Variants in CEPT1 observed in about 807,000 individuals in gnomAD.
CEPT1 encodes the protein choline/ethanolaminephosphotransferase 1.
Under a neutral mutation model 42.6 loss-of-function variants are expected in CEPT1, and 7 were observed. That is an observed-to-expected ratio of 0.16 (90% CI 0.09 to 0.31). The LOEUF is 0.31. Among genes scored for constraint, CEPT1 ranks in the 10% least tolerant of loss-of-function variants. The pLI, the probability that CEPT1 is intolerant of heterozygous loss-of-function variation, is 1.00. For missense variants in CEPT1, 306 were observed against 502.1 expected (o/e 0.61, Z 3.73); for synonymous variants, 171 against 171.9 (o/e 0.99, Z 0.04).
chr1:111,161,351 G>A, intron 4 of CEPT1, 55 bp downstream of exon 4: 1 of 1,483,286 alleles, frequency 6.7e-7, no homozygotes, highest in Non-Finnish European at 9.1e-7. Flanking sequence ...GGAGAATGTT[G>A]CCTTATAAGT....
At chr1:111,151,190 T>G (rs1259838242) in intron 2 of CEPT1, among the ~76,000 whole-genome samples, 2 of 150,694 alleles carry the variant, frequency 1.3e-5, no homozygotes, top group South Asian at 4.2e-4. Context: ...AGTGGCGCAG[T>G]CTCGGTTCAC....
At chr1:111,168,726 G>A (rs1188093669) in intron 4 of CEPT1, among the ~76,000 whole-genome samples, 1 of 152,186 alleles carries the variant, frequency 6.6e-6, no homozygotes, top group African/African-American at 2.4e-5. Flanking sequence ...CTGACCTCGT[G>A]ATCTGCCCAC....
intron 2 of CEPT1, among the ~76,000 whole-genome samples, chr1:111,159,162 G>A (rs566083976): frequency 1.4e-4 from 21 of 149,782 alleles, no homozygotes; most frequent in African/African-American, 4.5e-4. Flanking sequence ...TGATCCGCCC[G>A]CCTCGGCCTC....
At chr1:111,183,886 G>A (rs948559311) in intron 8 of CEPT1, among the ~76,000 whole-genome samples, 15 of 152,120 alleles carry the variant, frequency 9.9e-5, no homozygotes, top group African/African-American at 3.6e-4. Flanking sequence ...GCCTGTTTTG[G>A]TAAATACAGT....
intron 2 of CEPT1, among the ~76,000 whole-genome samples, chr1:111,149,001 T>A (rs1655122057): frequency 1.3e-5 from 2 of 152,198 alleles, no homozygotes; most frequent in African/African-American, 2.4e-5. Context: ...TAATTTTTTT[T>A]AAGTAATCTT....
intron 4 of CEPT1, among the ~76,000 whole-genome samples, chr1:111,166,705 T>A (rs1656162257): frequency 1.3e-5 from 2 of 152,178 alleles, no homozygotes; most frequent in South Asian, 4.1e-4. Context: ...CATTGGGACT[T>A]CTAAGAAGAA....
chr1:111,183,379 A>G, intron 7 of CEPT1, 83 bp from the exon 8 acceptor site: 4 of 1,433,058 alleles, frequency 2.8e-6, no homozygotes, highest in Admixed American at 2.0e-5. Context: ...TTGGAAGTTG[A>G]TATCTGAGCA....
At chr1:111,144,213 A>G (rs1654823864) in intron 1 of CEPT1, among the ~76,000 whole-genome samples, 1 of 152,148 alleles carries the variant, frequency 6.6e-6, no homozygotes, top group African/African-American at 2.4e-5. Context: ...AATGGTTTTC[A>G]TGGTCATAGC....
At chr1:111,165,599 GTTCT>G (rs1275858325) in intron 4 of CEPT1, among the ~76,000 whole-genome samples, 2 of 152,084 alleles carry the variant, frequency 1.3e-5, no homozygotes, top group African/African-American at 4.8e-5. Flanking sequence ...GATCTATAAG[GTTCT>G]TTCTGTTTAT....
Position 111,161,261 on chromosome 1 carries a change from G to A in CEPT1, c.594G>A (p.Trp198Ter), listed in dbSNP as rs1426103360. Residue 198 changes from tryptophan (W) to a stop codon, truncating the protein, a stop_gained, in exon 4 of 9, where the codon TGG becomes TGA. Coordinates refer to ENST00000357172, the MANE Select transcript of CEPT1 (RefSeq NM_006090.5). LOFTEE classifies it high-confidence loss of function. ...AGTFMFYCAH[W>*]QTYVSGTLRF... ...CATTTATGTTCTATTGTGCGCACTGGCAAACGTATGTTTCTGGAACATTGC... is the reference window on the plus strand; with the variant it reads ...CATTTATGTTCTATTGTGCGCACTGACAAACGTATGTTTCTGGAACATTGC... The A allele has an allele frequency of 1.2e-6, 2 of 1,612,834 alleles. No individual in the cohort carries two copies. Among genetic ancestry groups the A allele is most frequent in the Non-Finnish European group, 1.7e-6 (2 of 1,179,656 alleles).
chr1:111,165,476 A>T (rs980661243), intron 4 of CEPT1, among the ~76,000 whole-genome samples: 1 of 152,280 alleles, frequency 6.6e-6, no homozygotes, highest in South Asian at 2.1e-4. Flanking sequence ...ACTTGGGCCA[A>T]TATATGTTGG....
chr1:111,183,382 T>C (rs895658103), intron 7 of CEPT1, 80 bp from the exon 8 acceptor site: 1 of 1,472,732 alleles, frequency 6.8e-7, no homozygotes, highest in Non-Finnish European at 9.3e-7. Flanking sequence ...GAAGTTGATA[T>C]CTGAGCACAA....
At chr1:111,149,439 T>C (rs1655152909) in intron 2 of CEPT1, among the ~76,000 whole-genome samples, 2 of 152,084 alleles carry the variant, frequency 1.3e-5, no homozygotes, top group Admixed American at 1.3e-4. Context: ...ATTTTTGTAT[T>C]TGTAGTAGAG....
chr1:111,154,131 G>T (rs1093472), intron 2 of CEPT1, among the ~76,000 whole-genome samples: 30,883 of 151,046 alleles, frequency 0.2, 3,320 homozygotes, highest in Middle Eastern at 0.27. Context: ...TTTTATTAGT[G>T]CTTTGTAGTT....
intron 4 of CEPT1, among the ~76,000 whole-genome samples, chr1:111,165,084 G>C (rs556712474): frequency 1.7e-3 from 177 of 102,182 alleles, no homozygotes; most frequent in African/African-American, 6.5e-3. Flanking sequence ...GAGTCTCACT[G>C]TGTCGCCCAG....
rs748805031 is a variant in CEPT1 at position 111,182,218 on chromosome 1, T to G, written c.746T>G (p.Phe249Cys). The change falls in exon 6 of 9, where the codon TTT becomes TGT. Residue 249 changes from phenylalanine to cysteine, a missense_variant. Transcript: ENST00000357172. ...GTGCTGAATATTCAAATGAAAATTTTTCCTGCACTTTGTACTGTAGCAGGG... is the reference window on the plus strand; with the variant it reads ...GTGCTGAATATTCAAATGAAAATTTGTCCTGCACTTTGTACTGTAGCAGGG... Reference protein sequence around the residue: ...IPVLNIQMKIFPALCTVAGTI... With the variant: ...IPVLNIQMKICPALCTVAGTI... 1 of 1,609,950 alleles carries G rather than the reference T, an allele frequency of 6.2e-7. No individual in the cohort carries two copies. Among genetic ancestry groups the G allele is most frequent in the Non-Finnish European group, 8.5e-7 (1 of 1,177,534 alleles).
At chr1:111,158,902 CTT>C (rs149230078) in intron 2 of CEPT1, among the ~76,000 whole-genome samples, 661 of 55,222 alleles carry the variant, frequency 0.012, 1 homozygote, top group East Asian at 0.036. Flanking sequence ...TTTTACAATT[CTT>C]TTTTTTTTTT....
chr1:111,178,728 A>G (rs568915006), intron 5 of CEPT1: 1 of 152,254 alleles, frequency 6.6e-6, no homozygotes, highest in East Asian at 1.9e-4. Context: ...TAATTGATCA[A>G]ATTGTATTAA....
rs185073227 is a variant in CEPT1 at position 111,168,544 on chromosome 1, G to A, written c.630-6335G>A. Among the ~76,000 whole-genome samples the A allele has an allele frequency of 3.3e-3, 491 of 150,770 alleles. 4 individuals carry two copies. Among genetic ancestry groups the A allele is most frequent in the Middle Eastern group, 0.017 (5 of 292 alleles). ...CACTCTGTCACCCAGGCTGGAGTGC[G>A]GTGGAGCTATCTCAGCTCACTGCAA... is the stretch of plus-strand genomic sequence containing the variant. On this transcript the variant is annotated intron_variant, in intron 4 of 8. Coordinates refer to ENST00000357172, the MANE Select transcript of CEPT1 (RefSeq NM_006090.5).
Sources: gnomAD v4.1 joint callset for allele counts (sites outside exome capture counted in the v4.1 genomes callset) on GRCh38, gnomAD v4.1.1 for gene constraint, MANE v1.5 for transcripts, NCBI Gene and HGNC (gene_info 2026-07-23, HGNC 2026-07-21) for gene names.